The following MYO16 variants were observed in gnomAD, a reference collection of about 807,000 sequenced individuals.
MYO16 encodes the protein unconventional myosin-XVI.
MYO16 carries 94 observed loss-of-function variants against 205.3 expected under a neutral mutation model. That is an observed-to-expected ratio of 0.46 (90% CI 0.39 to 0.54). The LOEUF (loss-of-function observed/expected upper bound fraction) is 0.54. Among genes scored for constraint, MYO16 ranks in the 20% least tolerant of loss-of-function variants. The pLI is 0.00. For missense variants in MYO16, 2,315 were observed against 2,387.5 expected, an observed-to-expected ratio of 0.97 and a Z score of 0.63; for synonymous variants, 988 against 954.0, an observed-to-expected ratio of 1.04 and a Z score of -0.66.
At chr13:108,664,156 T>TTTATGAATACTTATGAAGAGTC (rs1226561372) in intron 1 of MYO16, among the ~76,000 whole-genome samples, 1 of 152,210 alleles carries the variant, frequency 6.6e-6, no homozygotes, top group African/African-American at 2.4e-5. Context: ...TCACATCACT[T>TTTATGAATACTTATGAAGAGTC]TTATGAATAC....
chr13:109,010,835 TA>T (rs924998726), intron 22 of MYO16, among the ~76,000 whole-genome samples: 1 of 151,740 alleles, frequency 6.6e-6, no homozygotes, highest in Admixed American at 6.6e-5. Context: ...AGCTTGCTAT[TA>T]GTTGAAATAA....
At chr13:109,153,412 A>ATAGAG in intron 32 of MYO16, among the ~76,000 whole-genome samples, 1 of 100,890 alleles carries the variant, frequency 9.9e-6, no homozygotes, top group Non-Finnish European at 2.3e-5. Context: ...TAGATATAGA[A>ATAGAG]AGGATAGATT....
In MYO16 at chr13:108,992,374, A is replaced by G; in HGVS notation, c.2370-2A>G. On this transcript the variant is annotated splice_acceptor_variant, in intron 20 of 34. Coordinates refer to ENST00000457511, the MANE Select transcript of MYO16 (RefSeq NM_001198950.3). LOFTEE classifies it high-confidence loss of function. The stretch of plus-strand genomic sequence containing the variant: ...TTATCCTGGTGTATTGTTTTGTTTC[A>G]GCATGCAGACATTGGATATTGGAAT... The G allele has an allele frequency of 1.2e-6, 2 of 1,606,408 alleles. No homozygotes were observed. The highest frequency in any genetic ancestry group is 1.7e-6 in the Non-Finnish European group (2 of 1,174,672).
chr13:108,648,272 G>A (rs1165110792), intron 1 of MYO16, among the ~76,000 whole-genome samples: 3 of 152,184 alleles, frequency 2.0e-5, no homozygotes, highest in Non-Finnish European at 4.4e-5. Context: ...GGCATGGTCA[G>A]TGGTGTCTCC....
intron 12 of MYO16, among the ~76,000 whole-genome samples, chr13:108,881,121 G>A (rs1247274078): frequency 6.6e-6 from 1 of 152,168 alleles, no homozygotes; most frequent in Non-Finnish European, 1.5e-5. Context: ...AGCAACATTT[G>A]CCATTCTGTA....
intron 6 of MYO16, among the ~76,000 whole-genome samples, chr13:108,796,735 G>A (rs529372578): frequency 7.4e-6 from 1 of 135,470 alleles, no homozygotes; most frequent in Non-Finnish European, 1.6e-5. Flanking sequence ...CATGGACACA[G>A]GAAGGGGAAC....
chr13:109,119,202 C>G (rs1875866431), intron 28 of MYO16, among the ~76,000 whole-genome samples: 3 of 152,180 alleles, frequency 2.0e-5, no homozygotes, highest in Non-Finnish European at 1.5e-5. Flanking sequence ...GACCTATAAA[C>G]CTTTCCCGTA....
intron 4 of MYO16, among the ~76,000 whole-genome samples, chr13:108,759,776 C>T (rs889639446): frequency 6.7e-5 from 10 of 149,768 alleles, no homozygotes; most frequent in Non-Finnish European, 1.0e-4. Context: ...GCCGAGATCG[C>T]GCCACTGCAC....
the MYO16 span, among the ~76,000 whole-genome samples, chr13:108,522,426 A>G: frequency 6.6e-6 from 1 of 152,192 alleles, no homozygotes; most frequent in East Asian, 1.9e-4. Context: ...TGTAATTTCT[A>G]AGAACATAGC....
At chr13:108,809,718 A>G (rs890697263) in intron 7 of MYO16, among the ~76,000 whole-genome samples, 4 of 152,338 alleles carry the variant, frequency 2.6e-5, no homozygotes, top group Non-Finnish European at 4.4e-5. Context: ...CTTGCAATTC[A>G]ACATGAGATT....
chr13:109,083,165 TG>T (rs1465989192), intron 27 of MYO16, among the ~76,000 whole-genome samples: 1 of 151,904 alleles, frequency 6.6e-6, no homozygotes, highest in Non-Finnish European at 1.5e-5. Flanking sequence ...GGTGGATCAC[TG>T]GAAGTCAGGA....
At chr13:108,954,834 TATC>T (rs1362968806) in intron 16 of MYO16, among the ~76,000 whole-genome samples, 8 of 152,166 alleles carry the variant, frequency 5.3e-5, no homozygotes, top group Non-Finnish European at 8.8e-5. Flanking sequence ...TTCTTACTGA[TATC>T]ATTGTCCTTG....
At chr13:109,072,701 C>G (rs1172480489) in intron 27 of MYO16, among the ~76,000 whole-genome samples, 1 of 152,052 alleles carries the variant, frequency 6.6e-6, no homozygotes, top group Non-Finnish European at 1.5e-5. Flanking sequence ...GGGCATTTTG[C>G]AACATGGATG....
chr13:108,640,394 T>G (rs1344204050), intron 1 of MYO16, among the ~76,000 whole-genome samples: 1 of 152,070 alleles, frequency 6.6e-6, no homozygotes, highest in East Asian at 1.9e-4. Flanking sequence ...TTGCAATGAC[T>G]TGAGCTGCAA....
At chr13:108,954,464 C>T (rs915060186) in intron 16 of MYO16, among the ~76,000 whole-genome samples, 5 of 152,066 alleles carry the variant, frequency 3.3e-5, no homozygotes, top group Admixed American at 6.6e-5. Context: ...CTAGGGCCAG[C>T]GTGTGGTGGC....
At chr13:109,177,387 C>T (rs1429948455) in intron 33 of MYO16, among the ~76,000 whole-genome samples, 1 of 152,136 alleles carries the variant, frequency 6.6e-6, no homozygotes, top group East Asian at 1.9e-4. Flanking sequence ...TGTTTTTAAC[C>T]TTAATTTAAT....
intron 7 of MYO16, among the ~76,000 whole-genome samples, chr13:108,816,390 G>A (rs1305019211): frequency 7.9e-6 from 1 of 126,986 alleles, no homozygotes; most frequent in Non-Finnish European, 1.7e-5. Flanking sequence ...TTAAGTTTAC[G>A]CTAGAATGGG....
At chr13:108,841,988 T>C (rs971453104) in intron 9 of MYO16, among the ~76,000 whole-genome samples, 1 of 152,134 alleles carries the variant, frequency 6.6e-6, no homozygotes, top group Non-Finnish European at 1.5e-5. Context: ...AAAGTTACTT[T>C]AATAATTGGT....
intron 23 of MYO16, among the ~76,000 whole-genome samples, chr13:109,029,688 G>T (rs148530614): frequency 2.0e-5 from 3 of 152,264 alleles, no homozygotes; most frequent in Admixed American, 1.3e-4. Flanking sequence ...TGCACAGAAA[G>T]AAGTTAATTT....
Sources: allele counts gnomAD v4.1 joint callset (sites outside exome capture counted in the v4.1 genomes callset), GRCh38; gene constraint gnomAD v4.1.1; transcripts MANE v1.5; gene names NCBI Gene and HGNC (gene_info 2026-07-23, HGNC 2026-07-21).